The following KBTBD12 variants were observed in gnomAD, a reference collection of about 807,000 sequenced individuals.
The protein encoded by KBTBD12 is kelch repeat and BTB domain containing 12, also known as kelch repeat and BTB domain-containing protein 12.
In KBTBD12, 53 loss-of-function variants were observed where a neutral mutation model predicts 58.7. The ratio of observed to expected loss-of-function variants is 0.90; its 90% CI spans 0.72 to 1.14. The LOEUF (loss-of-function observed/expected upper bound fraction) is 1.14. Among genes scored for constraint, KBTBD12 ranks in the 50% most tolerant of loss-of-function variants. The pLI, the probability that KBTBD12 is intolerant of heterozygous loss-of-function variation, is 0.00. For synonymous variants in KBTBD12, 236 were observed against 259.8 expected (o/e 0.91, Z 0.88); for missense variants, 704 against 751.3 (o/e 0.94, Z 0.74).
intron 4 of KBTBD12, among the ~76,000 whole-genome samples, chr3:127,948,660 T>C (rs1463108932): frequency 6.6e-6 from 1 of 152,170 alleles, no homozygotes; most frequent in Non-Finnish European, 1.5e-5. Context: ...ATGGTGGCAG[T>C]GAGAATCCCT....
At position 127,930,135 on chromosome 3, in the gene KBTBD12, G is replaced by GGGCCT. The variant is rs1210322281; in HGVS notation, c.1345_1346insGCCTG (p.Asp449GlyfsTer12). On this transcript the variant is annotated frameshift_variant, in exon 4 of 6. Transcript: ENST00000405109. LOFTEE classifies it high-confidence loss of function. ...ATTGGCTGTCATATTTCATACAGAT[G>GGGCCT]GATCTTCCTGATGAAGAACCTGATC... 2 of 1,579,674 alleles carry GGGCCT rather than the reference G, an allele frequency of 1.3e-6. No individual in the cohort carries two copies. The highest frequency in any genetic ancestry group is 1.2e-5 in the South Asian group (1 of 86,678).
intron 5 of KBTBD12, 196 bp downstream of exon 5, chr3:127,963,582 C>G (rs1451396442): frequency 2.5e-5 from 14 of 550,316 alleles, no homozygotes; most frequent in Non-Finnish European, 3.5e-5. Context: ...CATCCATAGG[C>G]TGTCGTAAGA....
intron 4 of KBTBD12, among the ~76,000 whole-genome samples, chr3:127,937,740 G>A (rs902285144): frequency 1.3e-5 from 2 of 152,024 alleles, no homozygotes; most frequent in African/African-American, 2.4e-5. Context: ...AACAAGAAAT[G>A]TATACTTAGA....
chr3:127,944,722 G>T (rs62271661), intron 4 of KBTBD12, among the ~76,000 whole-genome samples: 7 of 152,074 alleles, frequency 4.6e-5, no homozygotes, highest in African/African-American at 1.7e-4. Context: ...TATAGAAGTG[G>T]CAAGGCATCC....
intron 2 of KBTBD12, among the ~76,000 whole-genome samples, chr3:127,925,426 C>T (rs1156652214): frequency 6.6e-6 from 1 of 152,162 alleles, no homozygotes; most frequent in Non-Finnish European, 1.5e-5. Context: ...AATCTCTTGA[C>T]CTGGTACTTC....
Position 127,985,556 on chromosome 3 carries a change from T to C in KBTBD12, c.*1278T>C, listed in dbSNP as rs1439135627. The C allele has an allele frequency of 6.6e-6, 1 of 152,238 alleles. No homozygotes were observed. The highest frequency in any genetic ancestry group is 1.5e-5 in the Non-Finnish European group (1 of 68,074). 9.4% of individuals were successfully genotyped at this position (152,238 alleles called of 1,614,324 possible). On this transcript the variant is annotated 3_prime_UTR_variant, in exon 6 of 6. Transcript: ENST00000405109. ...AATTCAGAGGGAGACAAACCCTAAGTAGAGACAGCTTTCTTTGGTGCTGAG... is the reference window on the plus strand; with the variant it reads ...AATTCAGAGGGAGACAAACCCTAAGCAGAGACAGCTTTCTTTGGTGCTGAG...
Position 127,923,414 on chromosome 3 carries a change from G to A in KBTBD12, c.353G>A (p.Ser118Asn), listed in dbSNP as rs370191114. ...TTTATGCAGATGGAAGAAGTCTTCA[G>A]TGTGTGTCAAAAATATATGATGGAC... ...AYFMQMEEVF[S>N]VCQKYMMDHM... The change falls in exon 2 of 6, where the codon AGT becomes AAT. Residue 118 changes from serine to asparagine, a missense_variant. Transcript: ENST00000405109. The A allele has an allele frequency of 6.2e-7, 1 of 1,612,992 alleles. No individual in the cohort carries two copies. Among genetic ancestry groups the A allele is most frequent in the Non-Finnish European group, 8.5e-7 (1 of 1,179,798 alleles).
At position 127,944,347 on chromosome 3, in the gene KBTBD12, TA is replaced by T. The variant is rs1451939679; in HGVS notation, c.1492+14065del. Reference sequence around the variant, plus strand: ...GATATGCTTCCATTGATTTGTATCTTATTTTTTTTCATCAGTGTTTTATAAA... The same window carrying T: ...GATATGCTTCCATTGATTTGTATCTTTTTTTTTTCATCAGTGTTTTATAAA... On this transcript the variant is annotated intron_variant, in intron 4 of 5. Transcript: ENST00000405109. 2.6e-5 allele frequency among the ~76,000 whole-genome samples: 4 copies of T among 152,292 alleles called. No homozygotes were observed. The East Asian group carries it at 5.8e-4, about 22-fold the overall frequency.
chr3:127,928,696 GC>G (rs1319678534), intron 3 of KBTBD12, among the ~76,000 whole-genome samples: 1 of 152,222 alleles, frequency 6.6e-6, no homozygotes, highest in Non-Finnish European at 1.5e-5. Context: ...GATCACTTCA[GC>G]TGCCTCATGC....
chr3:127,962,974 G>A (rs1940476513), intron 4 of KBTBD12, among the ~76,000 whole-genome samples: 1 of 152,158 alleles, frequency 6.6e-6, no homozygotes, highest in Non-Finnish European at 1.5e-5. Context: ...TCACAAACAA[G>A]GAGAACACTA....
At chr3:127,936,858 AC>A (rs528463376) in intron 4 of KBTBD12, among the ~76,000 whole-genome samples, 10 of 152,190 alleles carry the variant, frequency 6.6e-5, no homozygotes, top group Non-Finnish European at 7.4e-5. Flanking sequence ...TGAGAAAGTT[AC>A]TGATGAAAGG....
intron 1 of KBTBD12, among the ~76,000 whole-genome samples, chr3:127,919,672 A>G (rs970606037): frequency 2.6e-5 from 4 of 152,140 alleles, no homozygotes; most frequent in African/African-American, 9.7e-5. Flanking sequence ...CTTCATTCAG[A>G]CTAGATAAGG....
chr3:127,920,392 CTTTT>C (rs78135551), intron 1 of KBTBD12, among the ~76,000 whole-genome samples: 3 of 133,878 alleles, frequency 2.2e-5, no homozygotes, highest in African/African-American at 2.7e-5. Context: ...CTAGTTCATT[CTTTT>C]TTTTTTTTTT....
chr3:127,931,670 G>A (rs554995816), intron 4 of KBTBD12, among the ~76,000 whole-genome samples: 38 of 152,270 alleles, frequency 2.5e-4, no homozygotes, highest in Admixed American at 6.5e-4. Context: ...AAAGGCACTC[G>A]TGGGAGCTTA....
rs543382784 is a variant in KBTBD12 at position 127,978,446 on chromosome 3, T to A, written c.1691-5651T>A. On this transcript the variant is annotated intron_variant, in intron 5 of 5. Coordinates refer to ENST00000405109, the MANE Select transcript of KBTBD12 (RefSeq NM_207335.4). The stretch of plus-strand genomic sequence containing the variant: ...ACTTGAAATACCACCAAATCAATAA[T>A]AATTGTCTCATTTTTTTCCCTTGAT... 2.8e-3 allele frequency among the ~76,000 whole-genome samples: 426 copies of A among 152,244 alleles called. 2 individuals carry two copies. The highest frequency in any genetic ancestry group is 4.9e-3 in the Admixed American group (75 of 15,298).
intron 1 of KBTBD12, among the ~76,000 whole-genome samples, chr3:127,922,444 G>A (rs1939434197): frequency 6.6e-6 from 1 of 152,108 alleles, no homozygotes; most frequent in Non-Finnish European, 1.5e-5. Context: ...CAGAATTTTA[G>A]TGGACCTTTT....
At chr3:127,934,908 A>T (rs1268142062) in intron 4 of KBTBD12, among the ~76,000 whole-genome samples, 1 of 152,192 alleles carries the variant, frequency 6.6e-6, no homozygotes, top group Non-Finnish European at 1.5e-5. Flanking sequence ...ATACTAAAAG[A>T]ACACTAAAAT....
At chr3:127,958,151 G>A (rs1345722682) in intron 4 of KBTBD12, among the ~76,000 whole-genome samples, 8 of 152,186 alleles carry the variant, frequency 5.3e-5, no homozygotes, top group Non-Finnish European at 8.8e-5. Context: ...GACCAGGCAT[G>A]TGAGGAGTTA....
chr3:127,917,793 TATC>T (rs978273846), intron 1 of KBTBD12, among the ~76,000 whole-genome samples: 1 of 152,242 alleles, frequency 6.6e-6, no homozygotes, highest in African/African-American at 2.4e-5. Context: ...AATCTTTTAT[TATC>T]ATGTACAAAA....
Sources: allele counts gnomAD v4.1 joint callset (sites outside exome capture counted in the v4.1 genomes callset), GRCh38; gene constraint gnomAD v4.1.1; transcripts MANE v1.5; gene names NCBI Gene and HGNC (gene_info 2026-07-23, HGNC 2026-07-21).